Variants in GRID2 observed in about 807,000 individuals in gnomAD.
The protein encoded by GRID2 is glutamate receptor ionotropic, delta-2.
A neutral mutation model predicts 114.8 loss-of-function variants in GRID2; 33 were observed. The ratio of observed to expected loss-of-function variants is 0.29; its 90% CI spans 0.22 to 0.38. The LOEUF (loss-of-function observed/expected upper bound fraction) is 0.38, where lower values mean the gene tolerates loss of function less well. Among genes scored for constraint, GRID2 ranks in the 10% least tolerant of loss-of-function variants. GRID2 has a pLI of 1.00. For synonymous variants in GRID2, 505 were observed against 449.9 expected (o/e 1.12, Z -1.55); for missense variants, 1,184 against 1,257.7 (o/e 0.94, Z 0.89).
intron 2 of GRID2, among the ~76,000 whole-genome samples, chr4:92,937,026 T>A (rs1014638415): frequency 1.4e-5 from 2 of 146,416 alleles, no homozygotes; most frequent in Non-Finnish European, 3.0e-5. Flanking sequence ...CTTTTTAAAA[T>A]AACTGTTTTT....
At chr4:92,390,035 A>G (rs929174694) in intron 1 of GRID2, among the ~76,000 whole-genome samples, 1 of 152,116 alleles carries the variant, frequency 6.6e-6, no homozygotes, top group Non-Finnish European at 1.5e-5. Flanking sequence ...AACAGAGCCA[A>G]TTTTAAGTCC....
intron 2 of GRID2, among the ~76,000 whole-genome samples, chr4:93,033,647 T>C (rs1724647605): frequency 6.6e-6 from 1 of 152,154 alleles, no homozygotes; most frequent in African/African-American, 2.4e-5. Context: ...CTGAATATTA[T>C]CTCTTCCCCT....
At chr4:93,716,117 A>G (rs186129955) in intron 14 of GRID2, among the ~76,000 whole-genome samples, 33 of 152,234 alleles carry the variant, frequency 2.2e-4, no homozygotes, top group African/African-American at 7.7e-4. Flanking sequence ...TATGCTGCAT[A>G]TAATTCTGCT....
chr4:93,227,746 A>AT, intron 7 of GRID2, among the ~76,000 whole-genome samples: 1 of 152,206 alleles, frequency 6.6e-6, no homozygotes, highest in East Asian at 1.9e-4. Flanking sequence ...TAAGTTCTGA[A>AT]TTCTACAAAG....
At chr4:92,472,021 C>A (rs1238446194) in intron 1 of GRID2, among the ~76,000 whole-genome samples, 1 of 116,650 alleles carries the variant, frequency 8.6e-6, no homozygotes, top group African/African-American at 3.8e-5. Flanking sequence ...GCAAGCTCCG[C>A]CTCCCGGGTT....
At chr4:93,290,872 CTTTTTTT>C (rs56735687) in intron 8 of GRID2, among the ~76,000 whole-genome samples, 2 of 88,530 alleles carry the variant, frequency 2.3e-5, no homozygotes, top group African/African-American at 4.5e-5. Context: ...ATACAAGTTA[CTTTTTTT>C]TTTTTTTTTT....
intron 2 of GRID2, among the ~76,000 whole-genome samples, chr4:92,625,566 C>G (rs763734900): frequency 1.3e-5 from 2 of 151,674 alleles, no homozygotes; most frequent in African/African-American, 4.8e-5. Flanking sequence ...ATCAAGAAAG[C>G]CTGCATTTAA....
intron 2 of GRID2, among the ~76,000 whole-genome samples, chr4:92,983,100 C>G (rs1364610714): frequency 2.0e-5 from 3 of 152,000 alleles, no homozygotes; most frequent in Non-Finnish European, 2.9e-5. Flanking sequence ...TAGGAATATT[C>G]CTATCTGGGA....
At chr4:93,439,980 G>A (rs192038589) in intron 10 of GRID2, among the ~76,000 whole-genome samples, 2 of 152,046 alleles carry the variant, frequency 1.3e-5, no homozygotes, top group Admixed American at 1.3e-4. Context: ...GAACACCTAA[G>A]ATTCCCACAG....
chr4:92,527,731 A>G (rs1725115326), intron 1 of GRID2, among the ~76,000 whole-genome samples: 1 of 152,090 alleles, frequency 6.6e-6, no homozygotes, highest in Non-Finnish European at 1.5e-5. Context: ...TGTATAAGTT[A>G]AAGTGCAATT....
chr4:93,805,971 C>T (rs186366475), intron 1 of GRID2, among the ~76,000 whole-genome samples: 13 of 152,184 alleles, frequency 8.5e-5, no homozygotes, highest in Non-Finnish European at 1.6e-4. Context: ...GTGGCATGTG[C>T]CTGTGGTCCC....
At chr4:93,660,425 G>A (rs966920193) in intron 14 of GRID2, among the ~76,000 whole-genome samples, 10 of 152,132 alleles carry the variant, frequency 6.6e-5, no homozygotes, top group Admixed American at 3.3e-4. Context: ...GGAAGTCAGA[G>A]AGGTACGATT....
At chr4:93,709,538 T>C (rs969068318) in intron 14 of GRID2, among the ~76,000 whole-genome samples, 7 of 152,194 alleles carry the variant, frequency 4.6e-5, no homozygotes, top group African/African-American at 1.7e-4. Context: ...GGAGTTTGAT[T>C]ATTAAATGCC....
intron 14 of GRID2, among the ~76,000 whole-genome samples, chr4:93,627,742 T>C (rs1742852106): frequency 6.6e-6 from 1 of 152,222 alleles, no homozygotes; most frequent in Non-Finnish European, 1.5e-5. Context: ...AAACCTGCAG[T>C]GCCTCCTGTG....
intron 2 of GRID2, among the ~76,000 whole-genome samples, chr4:92,921,881 C>A (rs116707781): frequency 1.3e-5 from 2 of 152,192 alleles, no homozygotes; most frequent in African/African-American, 4.8e-5. Flanking sequence ...AGCTGTCATA[C>A]GGGTACATTT....
At chr4:93,582,341 G>T (rs1737063972) in intron 13 of GRID2, among the ~76,000 whole-genome samples, 1 of 151,988 alleles carries the variant, frequency 6.6e-6, no homozygotes, top group African/African-American at 2.4e-5. Context: ...AGGCCCAACT[G>T]GATCATCCCA....
At chr4:92,467,385 C>T (rs1013194685) in intron 1 of GRID2, among the ~76,000 whole-genome samples, 1 of 151,766 alleles carries the variant, frequency 6.6e-6, no homozygotes. Flanking sequence ...AATGATACTT[C>T]GTTAATAACA....
chr4:93,240,551 T>A (rs761648273), intron 8 of GRID2, among the ~76,000 whole-genome samples: 8 of 151,536 alleles, frequency 5.3e-5, no homozygotes, highest in Non-Finnish European at 1.0e-4. Flanking sequence ...AGTTTTGTTT[T>A]CTTCTCTGTG....
At chr4:92,550,225 A>G (rs1726511223) in intron 1 of GRID2, among the ~76,000 whole-genome samples, 1 of 152,152 alleles carries the variant, frequency 6.6e-6, no homozygotes, top group Non-Finnish European at 1.5e-5. Context: ...GACAACTTTT[A>G]GGCAACAGTA....
Sources: gnomAD v4.1 joint callset for allele counts (sites outside exome capture counted in the v4.1 genomes callset) on GRCh38, gnomAD v4.1.1 for gene constraint, MANE v1.5 for transcripts, NCBI Gene and HGNC (gene_info 2026-07-23, HGNC 2026-07-21) for gene names.